MCTP1: variants seen among roughly 807,000 people sequenced by gnomAD.
MCTP1 encodes the protein multiple C2 and transmembrane domain containing 1.
MCTP1 carries 69 observed loss-of-function variants against 120.6 expected under a neutral mutation model. The observed-to-expected ratio is 0.57, with a 90% CI of 0.47 to 0.70. The LOEUF is 0.70. Ranked by LOEUF, MCTP1 falls within the 30% of genes least tolerant of loss-of-function variation. The probability of loss-of-function intolerance (pLI) is 0.00; values close to 1 mark genes in which losing one functional copy is unlikely to be tolerated. For missense variants in MCTP1, 1,203 were observed against 1,248.8 expected (o/e 0.96, Z 0.55); for synonymous variants, 529 against 493.1 (o/e 1.07, Z -0.96).
intron 3 of MCTP1, among the ~76,000 whole-genome samples, chr5:94,949,385 C>T (rs1819913699): frequency 6.6e-6 from 1 of 152,104 alleles, no homozygotes; most frequent in Non-Finnish European, 1.5e-5. Flanking sequence ...TTTTAACTCC[C>T]AGTTTCTATT....
intron 1 of MCTP1, among the ~76,000 whole-genome samples, chr5:95,078,984 G>A (rs982162381): frequency 1.3e-5 from 2 of 152,122 alleles, no homozygotes; most frequent in Non-Finnish European, 2.9e-5. Context: ...TTTGGAACTT[G>A]ATTTGTTATA....
intron 1 of MCTP1, among the ~76,000 whole-genome samples, chr5:95,025,036 A>G (rs988715910): frequency 8.5e-5 from 13 of 152,168 alleles, no homozygotes; most frequent in African/African-American, 3.1e-4. Flanking sequence ...TCATAATTTC[A>G]ATGACGTTAT....
intron 1 of MCTP1, among the ~76,000 whole-genome samples, chr5:95,090,061 C>A (rs1406520219): frequency 6.6e-6 from 1 of 152,156 alleles, no homozygotes; most frequent in Non-Finnish European, 1.5e-5. Flanking sequence ...TTTCATTCCT[C>A]TCCACATCAT....
intron 1 of MCTP1, among the ~76,000 whole-genome samples, chr5:95,233,772 AAATGTCTAT>A (rs1265398819): frequency 6.6e-6 from 1 of 152,234 alleles, no homozygotes; most frequent in Admixed American, 6.5e-5. Context: ...TTATAGCATT[AAATGTCTAT>A]AATAGAAAAG....
At chr5:95,283,659 C>T (rs1389687505) in intron 1 of MCTP1, among the ~76,000 whole-genome samples, 197 bp downstream of exon 1, 4 of 152,248 alleles carry the variant, frequency 2.6e-5, no homozygotes, top group Non-Finnish European at 5.9e-5. Flanking sequence ...AAGTAAAGTC[C>T]GGGTGCAAGT....
intron 17 of MCTP1, among the ~76,000 whole-genome samples, chr5:94,834,024 T>C (rs1707524801): frequency 6.6e-6 from 1 of 152,218 alleles, no homozygotes; most frequent in Non-Finnish European, 1.5e-5. Context: ...TGGATTTGTG[T>C]ATGTGCGTGC....
At chr5:95,071,952 T>C (rs1192108314) in intron 1 of MCTP1, among the ~76,000 whole-genome samples, 2 of 152,204 alleles carry the variant, frequency 1.3e-5, no homozygotes, top group African/African-American at 4.8e-5. Flanking sequence ...TAAAAGTCCA[T>C]CTAGAGGAAT....
chr5:94,906,986 C>T (rs1223876582), intron 10 of MCTP1, among the ~76,000 whole-genome samples: 2 of 152,172 alleles, frequency 1.3e-5, no homozygotes, highest in Non-Finnish European at 2.9e-5. Flanking sequence ...ACCCTGAATA[C>T]TCAAATTTAA....
At chr5:95,041,626 T>A (rs1842376936) in intron 1 of MCTP1, among the ~76,000 whole-genome samples, 1 of 152,148 alleles carries the variant, frequency 6.6e-6, no homozygotes, top group South Asian at 2.1e-4. Context: ...CAACTAAAAC[T>A]AATTAGCTGG....
intron 1 of MCTP1, among the ~76,000 whole-genome samples, chr5:95,185,021 G>A (rs550561124): frequency 1.1e-4 from 17 of 152,244 alleles, no homozygotes; most frequent in East Asian, 7.7e-4. Context: ...ATAAAACTCC[G>A]GTCTCTTGCA....
intron 1 of MCTP1, among the ~76,000 whole-genome samples, chr5:95,106,161 G>A (rs886787816): frequency 7.9e-5 from 12 of 152,226 alleles, no homozygotes; most frequent in African/African-American, 2.9e-4. Flanking sequence ...CATGTGATTT[G>A]GATAGAGCTG....
At chr5:95,238,456 T>C (rs770425303) in intron 1 of MCTP1, among the ~76,000 whole-genome samples, 14 of 152,176 alleles carry the variant, frequency 9.2e-5, no homozygotes, top group Non-Finnish European at 1.8e-4. Flanking sequence ...TAACACTGTT[T>C]CCAACTTTTT....
intron 1 of MCTP1, among the ~76,000 whole-genome samples, chr5:95,213,747 A>C (rs1269147305): frequency 3.9e-5 from 6 of 152,292 alleles, no homozygotes; most frequent in Admixed American, 6.5e-5. Context: ...AAACCTGAGA[A>C]AAACAAGCAA....
At chr5:95,270,578 A>G (rs1759292478) in intron 1 of MCTP1, among the ~76,000 whole-genome samples, 2 of 151,896 alleles carry the variant, frequency 1.3e-5, no homozygotes, top group Non-Finnish European at 2.9e-5. Flanking sequence ...AGGCCAGCTC[A>G]GGGTAGGCTG....
At chr5:94,762,446 C>T (rs371641404) in intron 19 of MCTP1, among the ~76,000 whole-genome samples, 2 of 152,222 alleles carry the variant, frequency 1.3e-5, no homozygotes, top group South Asian at 2.1e-4. Context: ...CTTGTTTCCA[C>T]GTTGGATCTG....
chr5:95,176,147 A>G, intron 1 of MCTP1, among the ~76,000 whole-genome samples: 1 of 152,224 alleles, frequency 6.6e-6, no homozygotes, highest in East Asian at 1.9e-4. Flanking sequence ...TATCTTTGTT[A>G]TTCTAATTGA....
chr5:95,109,441 G>A (rs1757307233), intron 1 of MCTP1, among the ~76,000 whole-genome samples: 1 of 152,098 alleles, frequency 6.6e-6, no homozygotes, highest in Admixed American at 6.6e-5. Flanking sequence ...GGAAACGCTT[G>A]ATATGCTGGC....
rs190337852 is a variant in MCTP1, at chr5:94,954,134, A to G, written c.839-773T>C. Among the ~76,000 whole-genome samples the G allele has an allele frequency of 1.2e-3, 53 of 45,882 alleles. 1 individual carries two copies. Among genetic ancestry groups the G allele is most frequent in the African/African-American group, 5.8e-3 (45 of 7,810 alleles). The allele number at this position is 45,882 out of a possible 152,430, so 30.1% of individuals were successfully genotyped here. On this transcript the variant is annotated intron_variant, in intron 2 of 22. Coordinates refer to ENST00000515393, the MANE Select transcript of MCTP1 (RefSeq NM_024717.7). The stretch of plus-strand genomic sequence containing the variant: ...TATGAATATATATACAAATATATAT[A>G]TGCATATATATACATATATATATGC...
At chr5:94,952,196 TATTGA>T (rs1820812986) in intron 3 of MCTP1, among the ~76,000 whole-genome samples, 2 of 79,058 alleles carry the variant, frequency 2.5e-5, no homozygotes, top group African/African-American at 1.0e-4. Flanking sequence ...AAAAAAAAGC[TATTGA>T]ATTGATTTTC....
Sources: gnomAD v4.1 joint callset for allele counts (sites outside exome capture counted in the v4.1 genomes callset) on GRCh38, gnomAD v4.1.1 for gene constraint, MANE v1.5 for transcripts, NCBI Gene and HGNC (gene_info 2026-07-23, HGNC 2026-07-21) for gene names.